The following TAF10 variants were observed in gnomAD, a reference collection of about 807,000 sequenced individuals.
TAF10 encodes TATA-box binding protein associated factor 10.
TAF10 carries 2 observed loss-of-function variants against 18.1 expected under a neutral mutation model. The observed-to-expected ratio is 0.11, with a 90% CI of 0.05 to 0.35. TAF10 has a LOEUF of 0.35. Ranked by LOEUF, TAF10 falls within the 10% of genes least tolerant of loss-of-function variation. The probability of loss-of-function intolerance (pLI) is 1.00; values close to 1 mark genes in which losing one functional copy is unlikely to be tolerated. For synonymous variants in TAF10, 158 were observed against 134.6 expected (o/e 1.17, Z -1.20); for missense variants, 293 against 306.9 (o/e 0.95, Z 0.34).
chr11:6,609,240 T>A lies in TAF10; in HGVS notation c.*1682A>T. 1 of 1,602,602 alleles carries A rather than the reference T, an allele frequency of 6.2e-7. No individual in the cohort carries two copies. The highest frequency in any genetic ancestry group is 1.7e-4 in the Middle Eastern group (1 of 6,042). On this transcript the variant is annotated 3_prime_UTR_variant, in exon 5 of 5. Coordinates refer to ENST00000299424, the MANE Select transcript of TAF10 (RefSeq NM_006284.4). ...ACCTGTTTTAAGTTTTTCCTCCAGT[T>A]AGTGGGCAAGGAAGTGGCAGCAACA...
Position 6,609,063 on chromosome 11 carries a change from A to G in TAF10, c.*1859T>C. ...GAAGCTGGGTACCTGACCTGCCCAC[A>G]CTCTTAGGAAATGGAACCCTGAACA... On this transcript the variant is annotated 3_prime_UTR_variant, in exon 5 of 5. Coordinates refer to ENST00000299424, the MANE Select transcript of TAF10 (RefSeq NM_006284.4). 2 of 1,613,742 alleles carry G rather than the reference A, an allele frequency of 1.2e-6. No homozygotes were observed. The highest frequency in any genetic ancestry group is 1.7e-5 in the Admixed American group (1 of 60,010).
rs1855435853 is a variant in TAF10, at chr11:6,610,960, A to G, written c.619T>C (p.Tyr207His). ...TGCGGCTTCTTCACATTGATGCCAT[A>G]CTCGCTGAGGGCAGGGGTCAAGTCC... ...MEDLTPALSE[Y>H]GINVKKPHYF... The change falls in exon 5 of 5, where the codon TAT (tyrosine) becomes CAT (histidine). Residue 207 changes from tyrosine (Y) to histidine (H), a missense_variant. Transcript: ENST00000299424. 1 of 1,614,070 alleles carries G rather than the reference A, an allele frequency of 6.2e-7. No individual in the cohort carries two copies. Among genetic ancestry groups the G allele is most frequent in the Non-Finnish European group, 8.5e-7 (1 of 1,180,024 alleles).
chr11:6,612,197 G>A lies in TAF10; in HGVS notation c.-8C>T. 1.6e-6 allele frequency: 2 copies of A among 1,240,042 alleles called. No individual in the cohort carries two copies. Among genetic ancestry groups the A allele is most frequent in the South Asian group, 4.4e-5 (2 of 45,724 alleles). 76.8% of individuals were successfully genotyped at this position (1,240,042 alleles called of 1,614,324 possible). A position where few individuals can be genotyped will look rare whatever the true frequency, so the allele number is the denominator to read the frequency against. ...GGAGCCGCTGCAGCTCATCGGGCCG[G>A]TGGGAGAGGCGGCGAACAGAGCCGC... On this transcript the variant is annotated 5_prime_UTR_variant, in exon 1 of 5. Coordinates refer to ENST00000299424, the MANE Select transcript of TAF10 (RefSeq NM_006284.4).
At chr11:6,611,496 G>C (rs771315033) in intron 2 of TAF10, 44 bp from the exon 3 acceptor site, 1 of 1,611,602 alleles carries the variant, frequency 6.2e-7, no homozygotes, top group South Asian at 1.1e-5. Context: ...CGGGAGGAGG[G>C]TGAGGGAAAT....
Position 6,611,751 on chromosome 11 carries a change from C to G in TAF10, c.300G>C (p.Pro100=). 1.2e-6 allele frequency: 2 copies of G among 1,611,690 alleles called. No homozygotes were observed. Among genetic ancestry groups the G allele is most frequent in the African/African-American group, 1.3e-5 (1 of 75,018 alleles). ...GAISNGVYVL[P]SAANGDVKPV... ...GCTTCACGTCTCCGTTGGCCGCGCT[C>G]GGCAGTACGTAAACCCCGTTAGATA... is the stretch of plus-strand genomic sequence containing the variant. Residue 100 remains proline (P), a synonymous_variant, in exon 2 of 5, where the codon CCG becomes CCC. Coordinates refer to ENST00000299424, the MANE Select transcript of TAF10 (RefSeq NM_006284.4).
chr11:6,610,483 C>T lies in TAF10; in HGVS notation c.*439G>A. The T allele has an allele frequency of 6.2e-7, 1 of 1,614,204 alleles. No homozygotes were observed. Among genetic ancestry groups the T allele is most frequent in the Non-Finnish European group, 8.5e-7 (1 of 1,180,032 alleles). ...GCAGGTGGCATTGGAAGGCCTTCGG[C>T]CTACCATCCCACCAGGTATTTCCCC... On this transcript the variant is annotated 3_prime_UTR_variant, in exon 5 of 5. Transcript: ENST00000299424.
intron 2 of TAF10, 23 bp downstream of exon 2, chr11:6,611,641 G>C: frequency 6.3e-7 from 1 of 1,576,160 alleles, no homozygotes; most frequent in South Asian, 1.2e-5. Context: ...AGGCTAGGTG[G>C]CCTTGTTCGG....
In TAF10 at chr11:6,606,714, C is replaced by A. The variant is rs1026632870; in HGVS notation, c.*4208G>T. 1 of 152,170 alleles carries A rather than the reference C, an allele frequency of 6.6e-6. No homozygotes were observed. The highest frequency in any genetic ancestry group is 1.5e-5 in the Non-Finnish European group (1 of 68,066). The allele number at this position is 152,170 out of a possible 1,614,324, so 9.4% of individuals were successfully genotyped here. ...GCTGGATATGAAGAGGGGGTTAATT[C>A]CTTGCAGGTCTTCTTGAGATAGAAG... is the stretch of plus-strand genomic sequence containing the variant. On this transcript the variant is annotated 3_prime_UTR_variant, in exon 5 of 5. Transcript: ENST00000299424.
chr11:6,608,906 G>C lies in TAF10; in HGVS notation c.*2016C>G. 1.9e-6 allele frequency: 3 copies of C among 1,614,232 alleles called. No individual in the cohort carries two copies. The highest frequency in any genetic ancestry group is 2.5e-6 in the Non-Finnish European group (3 of 1,180,048). On this transcript the variant is annotated 3_prime_UTR_variant, in exon 5 of 5. Transcript: ENST00000299424. The surrounding 1 kb of genome is among the most constrained non-coding windows in gnomAD (Gnocchi z 4.9). ...TAGAGCGGGCAGAGAAGATGGGCCA[G>C]AATCTCAACCGTATTCCATACAAGG...
rs763031937 is a variant in TAF10, at chr11:6,608,162, C to A, written c.*2760G>T. 1.2e-6 allele frequency: 2 copies of A among 1,613,828 alleles called. No homozygotes were observed. Among genetic ancestry groups the A allele is most frequent in the Non-Finnish European group, 1.7e-6 (2 of 1,179,844 alleles). ...AATGTAATGAACCGTGGGGATGACA[C>A]CCCCCTGCATCTGGCAGCCAGTCAT... On this transcript the variant is annotated 3_prime_UTR_variant, in exon 5 of 5. Coordinates refer to ENST00000299424, the MANE Select transcript of TAF10 (RefSeq NM_006284.4). The surrounding 1 kb of genome is among the most constrained non-coding windows in gnomAD (Gnocchi z 4.9).
Position 6,608,131 on chromosome 11 carries a change from C to T in TAF10, c.*2791G>A, listed in dbSNP as rs779428507. The T allele has an allele frequency of 2.5e-6, 4 of 1,614,046 alleles. No individual in the cohort carries two copies. The highest frequency in any genetic ancestry group is 1.6e-4 in the Middle Eastern group (1 of 6,062). On this transcript the variant is annotated 3_prime_UTR_variant, in exon 5 of 5. Transcript: ENST00000299424. This position sits in a 1 kb window ranked among gnomAD's most constrained non-coding sequence, Gnocchi z 4.9. The stretch of plus-strand genomic sequence containing the variant: ...TGAGATGTTGATCATGCGGGGGGCA[C>T]GGATCAATGTAATGAACCGTGGGGA...
In TAF10 at chr11:6,612,205, G is replaced by A; in HGVS notation, c.-16C>T. 1.6e-6 allele frequency: 2 copies of A among 1,243,944 alleles called. No individual in the cohort carries two copies. Among genetic ancestry groups the A allele is most frequent in the Non-Finnish European group, 2.0e-6 (2 of 983,686 alleles). The allele number at this position is 1,243,944 out of a possible 1,614,324, so 77.1% of individuals were successfully genotyped here. On this transcript the variant is annotated 5_prime_UTR_variant, in exon 1 of 5. Transcript: ENST00000299424. ...TGCAGCTCATCGGGCCGGTGGGAGA[G>A]GCGGCGAACAGAGCCGCTTCCGCTT...
At position 6,609,912 on chromosome 11, in the gene TAF10, TTCTA is replaced by T. The variant is rs772160896; in HGVS notation, c.*1006_*1009del. On this transcript the variant is annotated 3_prime_UTR_variant, in exon 5 of 5. Coordinates refer to ENST00000299424, the MANE Select transcript of TAF10 (RefSeq NM_006284.4). ...CTTTGCCTATCTATGACTTACCTCC[TTCTA>T]TCTGTTTTCTCTTCCTCAGATTGAT... is the stretch of plus-strand genomic sequence containing the variant. 18 of 1,614,034 alleles carry T rather than the reference TTCTA, an allele frequency of 1.1e-5. No homozygotes were observed. Among genetic ancestry groups the T allele is most frequent in the East Asian group, 4.5e-5 (2 of 44,902 alleles).
In TAF10 at chr11:6,611,171, T is replaced by G; in HGVS notation, c.567+18A>C. The G allele has an allele frequency of 6.2e-7, 1 of 1,611,574 alleles. No homozygotes were observed. The highest frequency in any genetic ancestry group is 2.2e-5 in the East Asian group (1 of 44,842). ...GTTGTGGAAGGTAATTACTGATTCA[T>G]TAAGCCTCCCCTCACACCTTGCTCT... On this transcript the variant is annotated intron_variant, in intron 4 of 4. Coordinates refer to ENST00000299424, the MANE Select transcript of TAF10 (RefSeq NM_006284.4).
In TAF10 at chr11:6,607,773, A is replaced by G; in HGVS notation, c.*3149T>C. ...GAAGGGGTGCAAGAGAAACCAGGGG[A>G]AGAGCACTACCACCTAAGGAAATGA... On this transcript the variant is annotated 3_prime_UTR_variant, in exon 5 of 5. Coordinates refer to ENST00000299424, the MANE Select transcript of TAF10 (RefSeq NM_006284.4). The G allele has an allele frequency of 1.0e-5, 5 of 485,478 alleles. No individual in the cohort carries two copies. In the South Asian group the frequency reaches 1.1e-4, roughly 10 times the overall value. 30.1% of individuals were successfully genotyped at this position (485,478 alleles called of 1,614,324 possible). A position where few individuals can be genotyped will look rare whatever the true frequency, so the allele number is the denominator to read the frequency against.
rs780614731 is a variant in TAF10, at chr11:6,608,384, T to G, written c.*2538A>C. 1.2e-6 allele frequency: 2 copies of G among 1,612,644 alleles called. No homozygotes were observed. Among genetic ancestry groups the G allele is most frequent in the South Asian group, 2.2e-5 (2 of 91,054 alleles). ...TCTGCCTCTTCTTTTTGTCTGGCCATGGGGTCCAGCTATTGCAGTACAAGG... is the reference window on the plus strand; with the variant it reads ...TCTGCCTCTTCTTTTTGTCTGGCCAGGGGGTCCAGCTATTGCAGTACAAGG... On this transcript the variant is annotated 3_prime_UTR_variant, in exon 5 of 5. Transcript: ENST00000299424. This position sits in a 1 kb window ranked among gnomAD's most constrained non-coding sequence, Gnocchi z 4.9.
Position 6,607,061 on chromosome 11 carries a change from G to C in TAF10, c.*3861C>G, listed in dbSNP as rs559549348. The C allele has an allele frequency of 1.1e-3, 163 of 152,452 alleles. No homozygotes were observed. Among genetic ancestry groups the C allele is most frequent in the Non-Finnish European group, 1.8e-3 (122 of 68,078 alleles). 9.4% of individuals were successfully genotyped at this position (152,452 alleles called of 1,614,324 possible). On this transcript the variant is annotated 3_prime_UTR_variant, in exon 5 of 5. Coordinates refer to ENST00000299424, the MANE Select transcript of TAF10 (RefSeq NM_006284.4). ...CGGGCATCTGGATGGCCAGACCCCT[G>C]ATCAGCTCCAGGCCTTGCCTAGAGT... is the stretch of plus-strand genomic sequence containing the variant.
Position 6,609,062 on chromosome 11 carries a change from C to T in TAF10, c.*1860G>A. ...TGAAGCTGGGTACCTGACCTGCCCACACTCTTAGGAAATGGAACCCTGAAC... is the reference window on the plus strand; with the variant it reads ...TGAAGCTGGGTACCTGACCTGCCCATACTCTTAGGAAATGGAACCCTGAAC... On this transcript the variant is annotated 3_prime_UTR_variant, in exon 5 of 5. Coordinates refer to ENST00000299424, the MANE Select transcript of TAF10 (RefSeq NM_006284.4). 1.2e-6 allele frequency: 2 copies of T among 1,613,662 alleles called. No homozygotes were observed. The highest frequency in any genetic ancestry group is 1.7e-6 in the Non-Finnish European group (2 of 1,179,512).
chr11:6,609,655 G>C lies in TAF10; in HGVS notation c.*1267C>G. 1 of 1,614,190 alleles carries C rather than the reference G, an allele frequency of 6.2e-7. No homozygotes were observed. The highest frequency in any genetic ancestry group is 8.5e-7 in the Non-Finnish European group (1 of 1,180,040). On this transcript the variant is annotated 3_prime_UTR_variant, in exon 5 of 5. Transcript: ENST00000299424. ...GAAGGCACCAGTGAGTAGGGATGTT[G>C]AATTTCCTTGGGGAGGAAATGGCAG...
Sources: gnomAD v4.1 joint callset for allele counts on GRCh38, gnomAD v4.1.1 for gene constraint, Gnocchi (gnomAD v3.1) non-coding constraint, MANE v1.5 for transcripts, NCBI Gene and HGNC (gene_info 2026-07-23, HGNC 2026-07-21) for gene names.